Variants in ENPP6 observed in about 807,000 individuals in gnomAD.
ENPP6 encodes ectonucleotide pyrophosphatase/phosphodiesterase 6.
Under a neutral mutation model 42.0 loss-of-function variants are expected in ENPP6, and 32 were observed. The ratio of observed to expected loss-of-function variants is 0.76; its 90% CI spans 0.58 to 1.02. The LOEUF is 1.02. Among genes scored for constraint, ENPP6 ranks in the 50% least tolerant of loss-of-function variants. The pLI is 0.00. For missense variants in ENPP6, 552 were observed against 566.8 expected (o/e 0.97, Z 0.27); for synonymous variants, 213 against 216.0 (o/e 0.99, Z 0.12).
At chr4:184,167,026 C>T (rs1011905361) in intron 1 of ENPP6, among the ~76,000 whole-genome samples, 3 of 152,226 alleles carry the variant, frequency 2.0e-5, no homozygotes, top group Non-Finnish European at 2.9e-5. Flanking sequence ...TGCACTCATC[C>T]CGCAGCTGCC....
intron 6 of ENPP6, among the ~76,000 whole-genome samples, chr4:184,103,671 C>T (rs1334224821): frequency 2.0e-5 from 3 of 152,230 alleles, no homozygotes; most frequent in Non-Finnish European, 4.4e-5. Flanking sequence ...TGTGGCATTG[C>T]TATTTTAAAT....
At chr4:184,110,282 C>A (rs1424253463) in intron 6 of ENPP6, among the ~76,000 whole-genome samples, 1 of 152,186 alleles carries the variant, frequency 6.6e-6, no homozygotes, top group Non-Finnish European at 1.5e-5. Context: ...AGCACAACTT[C>A]AGATCTCAGA....
rs58927070 is a variant in ENPP6, at chr4:184,131,520, A to ATTTT, written c.422-7252_422-7249dup. Among the ~76,000 whole-genome samples, 15 of 136,726 alleles carry ATTTT rather than the reference A, an allele frequency of 1.1e-4. No homozygotes were observed. The South Asian group carries it at 1.6e-3, about 15-fold the overall frequency. 89.7% of individuals were successfully genotyped at this position (136,726 alleles called of 152,430 possible). A position where few individuals can be genotyped will look rare whatever the true frequency, so the allele number is the denominator to read the frequency against. On this transcript the variant is annotated intron_variant, in intron 2 of 7. Coordinates refer to ENST00000296741, the MANE Select transcript of ENPP6 (RefSeq NM_153343.4). ...AGGCACCCATCACCATGCCCAGCTA[A>ATTTT]TTTTTTTTTTTTTTTGTATTTTTAG... is the stretch of plus-strand genomic sequence containing the variant.
chr4:184,196,086 G>A (rs1391026927), intron 1 of ENPP6, among the ~76,000 whole-genome samples: 1 of 152,226 alleles, frequency 6.6e-6, no homozygotes, highest in African/African-American at 2.4e-5. Flanking sequence ...TCATCCCAAA[G>A]CCCAGCTCTG....
At position 184,121,790 on chromosome 4, in the gene ENPP6, C is replaced by G. The variant is rs115524181; in HGVS notation, c.533+2371G>C. Among the ~76,000 whole-genome samples the G allele has an allele frequency of 2.2e-3, 332 of 152,346 alleles. 2 individuals carry two copies. The highest frequency in any genetic ancestry group is 7.8e-3 in the African/African-American group (326 of 41,582). On this transcript the variant is annotated intron_variant, in intron 3 of 7. Coordinates refer to ENST00000296741, the MANE Select transcript of ENPP6 (RefSeq NM_153343.4). ...TAGACTGTTCTAGACTGGACATCTTCTTCACTCACCTCATTCCTGAAGGAG... is the reference window on the plus strand; with the variant it reads ...TAGACTGTTCTAGACTGGACATCTTGTTCACTCACCTCATTCCTGAAGGAG...
intron 1 of ENPP6, among the ~76,000 whole-genome samples, chr4:184,161,145 T>A (rs1560996957): frequency 6.6e-6 from 1 of 151,522 alleles, no homozygotes; most frequent in Non-Finnish European, 1.5e-5. Context: ...AATCTATACA[T>A]CCAACAAAGG....
At chr4:184,126,736 G>C (rs985096791) in intron 2 of ENPP6, among the ~76,000 whole-genome samples, 7 of 152,154 alleles carry the variant, frequency 4.6e-5, no homozygotes, top group Non-Finnish European at 8.8e-5. Flanking sequence ...TTGCTAAAGT[G>C]ATCGTCCTTA....
In ENPP6 at chr4:184,089,039, C is replaced by T. The variant is rs1313497235; in HGVS notation, c.*2138G>A. The T allele has an allele frequency of 6.6e-6, 1 of 152,114 alleles. No individual in the cohort carries two copies. Among genetic ancestry groups the T allele is most frequent in the Admixed American group, 6.5e-5 (1 of 15,274 alleles). 9.4% of individuals were successfully genotyped at this position (152,114 alleles called of 1,614,324 possible). A position where few individuals can be genotyped will look rare whatever the true frequency, so the allele number is the denominator to read the frequency against. On this transcript the variant is annotated 3_prime_UTR_variant, in exon 8 of 8. Coordinates refer to ENST00000296741, the MANE Select transcript of ENPP6 (RefSeq NM_153343.4). ...CCTCCACAGTGGAGGAAAGTGGGCT[C>T]TACTGAATTCATTGGAACACCGTCC...
chr4:184,091,399 A>C lies in ENPP6; in HGVS notation c.1118-17T>G, dbSNP rs747989520. The C allele has an allele frequency of 6.9e-6, 11 of 1,590,780 alleles. No individual in the cohort carries two copies. The African/African-American group carries it at 1.3e-4, about 19-fold the overall frequency. On this transcript the variant is annotated splice_polypyrimidine_tract_variant and intron_variant, in intron 7 of 7. Transcript: ENST00000296741. Reference sequence around the variant, plus strand: ...ATTTGAAATCTGAAAGGGAAAGGCAAACAAACAAGTTGTCATGGCAGCTCC... The same window carrying C: ...ATTTGAAATCTGAAAGGGAAAGGCACACAAACAAGTTGTCATGGCAGCTCC...
At chr4:184,096,680 C>A (rs374576036) in intron 7 of ENPP6, among the ~76,000 whole-genome samples, 34 of 152,302 alleles carry the variant, frequency 2.2e-4, no homozygotes, top group East Asian at 1.5e-3. Context: ...AAAGACACAG[C>A]AAATTTGCTC....
intron 6 of ENPP6, among the ~76,000 whole-genome samples, chr4:184,102,203 C>T (rs990105362): frequency 6.6e-6 from 1 of 152,192 alleles, no homozygotes; most frequent in Non-Finnish European, 1.5e-5. Flanking sequence ...AGGGCCCATC[C>T]GTTTGCATTC....
intron 1 of ENPP6, among the ~76,000 whole-genome samples, chr4:184,211,875 A>G (rs1434734359): frequency 1.8e-3 from 261 of 146,082 alleles, no homozygotes; most frequent in African/African-American, 6.1e-3. Flanking sequence ...CAGCACATCA[A>G]AAAGCTTATC....
intron 1 of ENPP6, among the ~76,000 whole-genome samples, chr4:184,202,613 T>C (rs1882331): frequency 0.33 from 50,343 of 152,088 alleles, 9,388 homozygotes; most frequent in East Asian, 0.79. Context: ...AAACTATCCA[T>C]GATCACAATG....
intron 1 of ENPP6, among the ~76,000 whole-genome samples, chr4:184,186,839 T>C (rs1429620115): frequency 6.6e-6 from 1 of 152,142 alleles, no homozygotes; most frequent in African/African-American, 2.4e-5. Flanking sequence ...TTGCTCTCCA[T>C]GCCCCGGTGC....
At chr4:184,146,863 C>T (rs1287193927) in intron 2 of ENPP6, among the ~76,000 whole-genome samples, 2 of 152,208 alleles carry the variant, frequency 1.3e-5, no homozygotes, top group Non-Finnish European at 2.9e-5. Flanking sequence ...CCTTTGCAGG[C>T]TCACCCTCCT....
intron 6 of ENPP6, among the ~76,000 whole-genome samples, chr4:184,107,721 C>G (rs1031247463): frequency 5.9e-5 from 9 of 152,208 alleles, no homozygotes; most frequent in African/African-American, 2.2e-4. Flanking sequence ...CGAGAACATC[C>G]TGGTTAACAC....
At chr4:184,166,806 G>A (rs1025212350) in intron 1 of ENPP6, among the ~76,000 whole-genome samples, 31 of 152,212 alleles carry the variant, frequency 2.0e-4, no homozygotes, top group African/African-American at 5.8e-4. Flanking sequence ...AAGCACCTCC[G>A]TCTTCTGGCT....
chr4:184,114,695 G>C (rs1736284916), intron 5 of ENPP6, among the ~76,000 whole-genome samples: 2 of 151,198 alleles, frequency 1.3e-5, no homozygotes, highest in Non-Finnish European at 2.9e-5. Context: ...TAGCTCAAAA[G>C]CTGTTGATGC....
chr4:184,105,144 A>T (rs940669280), intron 6 of ENPP6, among the ~76,000 whole-genome samples: 1 of 152,176 alleles, frequency 6.6e-6, no homozygotes, highest in Admixed American at 6.5e-5. Context: ...GCACTGGAAG[A>T]ATTGTTTTCA....
Sources: gnomAD v4.1 joint callset for allele counts (sites outside exome capture counted in the v4.1 genomes callset) on GRCh38, gnomAD v4.1.1 for gene constraint, MANE v1.5 for transcripts, NCBI Gene and HGNC (gene_info 2026-07-23, HGNC 2026-07-21) for gene names.